ABCC1: variants seen among roughly 807,000 people sequenced by gnomAD.
ABCC1 encodes ATP binding cassette subfamily C member 1 (ABCC1 blood group).
In ABCC1, 83 loss-of-function variants were observed where a neutral mutation model predicts 172.9. The ratio of observed to expected loss-of-function variants is 0.48; its 90% CI spans 0.40 to 0.58. The LOEUF is 0.58. Ranked by LOEUF, ABCC1 falls within the 20% of genes least tolerant of loss-of-function variation. ABCC1 has a pLI of 0.00. For synonymous variants in ABCC1, 937 were observed against 825.2 expected, an observed-to-expected ratio of 1.14 and a Z score of -2.32; for missense variants, 1,817 against 2,002.7, an observed-to-expected ratio of 0.91 and a Z score of 1.77.
chr16:16,003,565 G>T (rs964136058), intron 1 of ABCC1, among the ~76,000 whole-genome samples: 2 of 149,350 alleles, frequency 1.3e-5, no homozygotes, highest in African/African-American at 4.9e-5. Context: ...ATGGGTGAAT[G>T]AATTGGTAGG....
At chr16:16,057,281 C>A (rs2049701598) in intron 12 of ABCC1, among the ~76,000 whole-genome samples, 1 of 150,768 alleles carries the variant, frequency 6.6e-6, no homozygotes, top group South Asian at 2.1e-4. Flanking sequence ...ATCCCTTGAA[C>A]CTGGGAGGCT....
intron 19 of ABCC1, among the ~76,000 whole-genome samples, chr16:16,095,463 T>C (rs571825591): frequency 6.6e-6 from 1 of 152,230 alleles, no homozygotes; most frequent in East Asian, 1.9e-4. Flanking sequence ...GCAAGCAGGG[T>C]AGAGGCCAGC....
At chr16:16,121,883 G>A in intron 23 of ABCC1, 92 bp from the exon 24 acceptor site, 1 of 1,407,718 alleles carries the variant, frequency 7.1e-7, no homozygotes, top group Non-Finnish European at 9.9e-7. Flanking sequence ...GGAGGTATCG[G>A]TTACGTCTAG....
chr16:16,105,718 T>TC (rs916811761), intron 20 of ABCC1, among the ~76,000 whole-genome samples: 4 of 149,358 alleles, frequency 2.7e-5, no homozygotes, highest in Non-Finnish European at 6.0e-5. Context: ...TCTTTTCTTT[T>TC]TTTTTTTTTT....
At chr16:16,068,113 T>C in intron 12 of ABCC1, 43 bp from the exon 13 acceptor site, 1 of 1,611,680 alleles carries the variant, frequency 6.2e-7, no homozygotes, top group Non-Finnish European at 8.5e-7. Flanking sequence ...ATGATGACTC[T>C]CACTCGGGGC....
intron 20 of ABCC1, 143 bp from the exon 21 acceptor site, chr16:16,106,595 T>C (rs955077348): frequency 1.1e-6 from 1 of 872,036 alleles, no homozygotes. Context: ...CATATATTCA[T>C]ATATATGTTT....
chr16:16,102,650 G>T lies in ABCC1; in HGVS notation c.2668G>T (p.Gly890Trp). 6.3e-7 allele frequency: 1 copy of T among 1,589,240 alleles called. No individual in the cohort carries two copies. Residue 890 changes from glycine to tryptophan, a missense_variant, in exon 20 of 31, where the codon GGG becomes TGG. Around this residue, in one of 3 missense-constraint regions of ABCC1, gnomAD observed 1,412 missense variants for 1,600.3 expected, o/e 0.88. Coordinates refer to ENST00000399410, the MANE Select transcript of ABCC1 (RefSeq NM_004996.4). ...ENGVTGVSGP[G>W]KEAKQMENGM... Reference sequence around the variant, plus strand: ...AGGGGTCACGGGCGTCAGCGGTCCAGGGAAGGAAGCAAAGCAAATGGAGAA... The same window carrying T: ...AGGGGTCACGGGCGTCAGCGGTCCATGGAAGGAAGCAAAGCAAATGGAGAA...
chr16:16,061,329 T>A (rs1427412595), intron 12 of ABCC1, among the ~76,000 whole-genome samples: 1 of 152,238 alleles, frequency 6.6e-6, no homozygotes, highest in Non-Finnish European at 1.5e-5. Context: ...CGTGGCCACC[T>A]CAGCCTGCTG....
chr16:16,048,456 A>G (rs1036626894), intron 10 of ABCC1, among the ~76,000 whole-genome samples, 153 bp downstream of exon 10: 2 of 152,108 alleles, frequency 1.3e-5, no homozygotes, highest in African/African-American at 2.4e-5. Context: ...CTGTTAACCA[A>G]TTCCTCAGTA....
intron 6 of ABCC1, among the ~76,000 whole-genome samples, chr16:16,034,352 C>T (rs1437460178): frequency 2.0e-5 from 3 of 151,968 alleles, no homozygotes; most frequent in Non-Finnish European, 2.9e-5. Flanking sequence ...TGACAAACAT[C>T]GTTTTAAAAA....
chr16:16,112,447 A>G (rs1396763738), intron 22 of ABCC1, among the ~76,000 whole-genome samples: 1 of 151,890 alleles, frequency 6.6e-6, no homozygotes, highest in Non-Finnish European at 1.5e-5. Context: ...CAGCGTTGAT[A>G]TTAACAGCTG....
intron 23 of ABCC1, among the ~76,000 whole-genome samples, chr16:16,115,590 A>C (rs562519148): frequency 1.5e-3 from 225 of 152,058 alleles, no homozygotes; most frequent in African/African-American, 5.2e-3. Flanking sequence ...CAGGTGATCC[A>C]CCCACCTCGA....
intron 1 of ABCC1, among the ~76,000 whole-genome samples, chr16:15,958,960 TC>T (rs775462559): frequency 2.6e-4 from 40 of 152,286 alleles, no homozygotes; most frequent in South Asian, 1.7e-3. Flanking sequence ...TGGTAGCACC[TC>T]CTCTTGTTGT....
At chr16:16,097,871 T>C (rs984200933) in intron 19 of ABCC1, 14 of 152,282 alleles carry the variant, frequency 9.2e-5, no homozygotes, top group African/African-American at 3.1e-4. Flanking sequence ...TAACTGCACT[T>C]GGCCACCTGC....
intron 12 of ABCC1, among the ~76,000 whole-genome samples, chr16:16,065,802 TTC>T (rs1162679554): frequency 1.3e-5 from 2 of 152,218 alleles, no homozygotes; most frequent in Non-Finnish European, 2.9e-5. Context: ...CTGCTCGAAC[TTC>T]TGGCCTCAAG....
At chr16:16,018,613 T>G (rs974276476) in intron 5 of ABCC1, among the ~76,000 whole-genome samples, 4 of 152,014 alleles carry the variant, frequency 2.6e-5, no homozygotes, top group Admixed American at 6.6e-5. Context: ...TGGTATTTCC[T>G]TGCCCAAAGA....
At chr16:16,120,782 C>G (rs1417346862) in intron 23 of ABCC1, among the ~76,000 whole-genome samples, 2 of 151,976 alleles carry the variant, frequency 1.3e-5, no homozygotes, top group East Asian at 1.9e-4. Flanking sequence ...GTTGGCAACT[C>G]TAACAGCGCT....
intron 21 of ABCC1, 76 bp from the exon 22 acceptor site, chr16:16,111,299 C>T (rs1263098422): frequency 4.1e-6 from 5 of 1,230,274 alleles, no homozygotes; most frequent in Admixed American, 1.8e-5. Context: ...GCTGGTGAAG[C>T]CCCCGACCTT....
At chr16:15,988,866 GAGGCCAGACAGGGCAACATAGCA>G (rs2046798403) in intron 1 of ABCC1, among the ~76,000 whole-genome samples, 1 of 151,880 alleles carries the variant, frequency 6.6e-6, no homozygotes, top group African/African-American at 2.4e-5. Flanking sequence ...CCAGGAGTTT[GAGGCCAGACAGGGCAACATAGCA>G]AGGCCCCATC....
Sources: gnomAD v4.1 joint callset for allele counts (sites outside exome capture counted in the v4.1 genomes callset) on GRCh38, gnomAD v4.1.1 for gene constraint, gnomAD v4.1.1 regional missense constraint, MANE v1.5 for transcripts, NCBI Gene and HGNC (gene_info 2026-07-23, HGNC 2026-07-21) for gene names.